Variants in DTWD2 observed in about 807,000 individuals in gnomAD.
DTWD2 encodes the protein tRNA-uridine aminocarboxypropyltransferase 2.
A neutral mutation model predicts 31.8 loss-of-function variants in DTWD2; 39 were observed. The observed-to-expected ratio is 1.22, with a 90% CI of 0.95 to 1.60. DTWD2 has a LOEUF of 1.60. DTWD2 is among the 40% of genes most tolerant of loss of function. The pLI, the probability that DTWD2 is intolerant of heterozygous loss-of-function variation, is 0.00. For synonymous variants in DTWD2, 180 were observed against 142.8 expected (o/e 1.26, Z -1.86); for missense variants, 515 against 381.5 (o/e 1.35, Z -2.92).
intron 4 of DTWD2, among the ~76,000 whole-genome samples, chr5:118,848,737 C>A (rs959237805): frequency 6.6e-6 from 1 of 152,212 alleles, no homozygotes. Flanking sequence ...CTACAACCAT[C>A]TGATCTTTGA....
At chr5:118,862,331 A>C (rs116508839) in intron 4 of DTWD2, among the ~76,000 whole-genome samples, 2 of 152,218 alleles carry the variant, frequency 1.3e-5, no homozygotes, top group Non-Finnish European at 2.9e-5. Flanking sequence ...GAACAGCTAG[A>C]AAGCTGGAGT....
At chr5:118,893,886 C>A (rs1345124469) in intron 4 of DTWD2, among the ~76,000 whole-genome samples, 1 of 152,112 alleles carries the variant, frequency 6.6e-6, no homozygotes, top group Non-Finnish European at 1.5e-5. Flanking sequence ...ATTCTGCCAA[C>A]AAGCCAAATG....
intron 4 of DTWD2, among the ~76,000 whole-genome samples, chr5:118,851,237 AAG>A (rs1751996315): frequency 1.3e-5 from 2 of 151,212 alleles, no homozygotes; most frequent in Admixed American, 6.6e-5. Flanking sequence ...AAAAAAAAAA[AAG>A]AAAGAAAAAA....
intron 4 of DTWD2, among the ~76,000 whole-genome samples, chr5:118,875,260 T>G (rs1012867654): frequency 1.3e-5 from 2 of 152,136 alleles, no homozygotes; most frequent in African/African-American, 4.8e-5. Flanking sequence ...AACTGAAGTA[T>G]GCAGACCAGT....
At chr5:118,870,598 A>T (rs1000962987) in intron 4 of DTWD2, among the ~76,000 whole-genome samples, 19 of 152,210 alleles carry the variant, frequency 1.2e-4, no homozygotes, top group Admixed American at 2.0e-4. Context: ...CTTTATGGCT[A>T]AAAAATGCTT....
intron 3 of DTWD2, 112 bp from the exon 4 acceptor site, chr5:118,928,841 T>C: frequency 1.2e-6 from 1 of 865,346 alleles, no homozygotes; most frequent in Non-Finnish European, 1.7e-6. Context: ...ATTTGTCTAA[T>C]CAAATATAAG....
intron 3 of DTWD2, 55 bp downstream of exon 3, chr5:118,939,141 T>C: frequency 6.6e-7 from 1 of 1,511,306 alleles, no homozygotes; most frequent in Non-Finnish European, 8.9e-7. Context: ...AAGAAACCAT[T>C]TTTTAAGATC....
chr5:118,857,229 G>C (rs868722915), intron 4 of DTWD2, among the ~76,000 whole-genome samples: 1 of 152,080 alleles, frequency 6.6e-6, no homozygotes, highest in Non-Finnish European at 1.5e-5. Flanking sequence ...TCATGTGTGT[G>C]GGGGTGTGTA....
intron 4 of DTWD2, among the ~76,000 whole-genome samples, chr5:118,876,809 C>G (rs774341515): frequency 1.3e-5 from 2 of 152,172 alleles, no homozygotes; most frequent in Non-Finnish European, 2.9e-5. Flanking sequence ...ACAAGAAGAG[C>G]TGGTATCATT....
intron 4 of DTWD2, among the ~76,000 whole-genome samples, chr5:118,883,238 T>C (rs1204313349): frequency 6.6e-6 from 1 of 152,168 alleles, no homozygotes; most frequent in African/African-American, 2.4e-5. Flanking sequence ...TCCCAATAAG[T>C]TCCTCATCTC....
chr5:118,973,845 T>TA, intron 1 of DTWD2: 3 of 1,612,336 alleles, frequency 1.9e-6, no homozygotes, highest in Non-Finnish European at 2.5e-6. Flanking sequence ...ACCAAGGACT[T>TA]ACAGGAGAAG....
chr5:118,935,085 TAATC>T (rs1366858696), intron 3 of DTWD2, among the ~76,000 whole-genome samples: 1 of 152,008 alleles, frequency 6.6e-6, no homozygotes, highest in East Asian at 1.9e-4. Flanking sequence ...GCCAATGGCT[TAATC>T]AATCATGCCT....
At chr5:118,912,575 T>C (rs1287739195) in intron 4 of DTWD2, among the ~76,000 whole-genome samples, 1 of 152,212 alleles carries the variant, frequency 6.6e-6, no homozygotes. Flanking sequence ...TTTACTCTAC[T>C]GGAATGTTTT....
chr5:118,900,112 A>T (rs1334395289), intron 4 of DTWD2, among the ~76,000 whole-genome samples: 1 of 152,010 alleles, frequency 6.6e-6, no homozygotes, highest in Non-Finnish European at 1.5e-5. Flanking sequence ...CGGCCAAGTC[A>T]TACTTCTTTA....
intron 4 of DTWD2, 41 bp from the exon 5 acceptor site, chr5:118,848,259 ATTTAAAAT>A (rs1751908432): frequency 6.6e-7 from 1 of 1,520,552 alleles, no homozygotes; most frequent in African/African-American, 1.4e-5. Context: ...TTTGTTTTAA[ATTTAAAAT>A]TATAAAGTTT....
intron 4 of DTWD2, among the ~76,000 whole-genome samples, chr5:118,859,100 C>G (rs1354210007): frequency 6.6e-6 from 1 of 151,950 alleles, no homozygotes; most frequent in Non-Finnish European, 1.5e-5. Context: ...AATGGTTGAG[C>G]ATCTATTGAT....
chr5:118,988,428 G>A lies in DTWD2; in HGVS notation c.84C>T (p.Asp28=). Residue 28 remains aspartate (D), a synonymous_variant, in exon 1 of 6, where the codon GAC becomes GAT. Transcript: ENST00000510708. Reference sequence around the variant, plus strand: ...CTGCGCCGCCCTCCCGCCGCTCCTTGTCGTTCGGCGTCTGAGAGCTTGAGG... The same window carrying A: ...CTGCGCCGCCCTCCCGCCGCTCCTTATCGTTCGGCGTCTGAGAGCTTGAGG... ...SGASSSQTPN[D]KERREGGAVP... 1 of 1,607,066 alleles carries A rather than the reference G, an allele frequency of 6.2e-7. No homozygotes were observed.
At position 118,904,953 on chromosome 5, in the gene DTWD2, G is replaced by C. The variant is rs572268846; in HGVS notation, c.597+23584C>G. ...AACAGAGAACATTCAGGGAAGGTAA[G>C]AGTTTAGCAGTATAAGAACTCCAAG... On this transcript the variant is annotated intron_variant, in intron 4 of 5. Coordinates refer to ENST00000510708, the MANE Select transcript of DTWD2 (RefSeq NM_173666.4). Among the ~76,000 whole-genome samples, 84 of 152,188 alleles carry C rather than the reference G, an allele frequency of 5.5e-4. 1 individual carries two copies. The South Asian group carries it at 0.017, about 32-fold the overall frequency.
chr5:118,898,658 C>CA (rs200407705), intron 4 of DTWD2, among the ~76,000 whole-genome samples: 31,720 of 81,902 alleles, frequency 0.39, 4,622 homozygotes, highest in Middle Eastern at 0.46. Flanking sequence ...GACTCCATCT[C>CA]AAAAAAAAAA....
Sources: gnomAD v4.1 joint callset for allele counts (sites outside exome capture counted in the v4.1 genomes callset) on GRCh38, gnomAD v4.1.1 for gene constraint, MANE v1.5 for transcripts, NCBI Gene and HGNC (gene_info 2026-07-23, HGNC 2026-07-21) for gene names.